Variants in RARS1 observed in about 807,000 individuals in gnomAD.
RARS1 encodes the protein arginine--tRNA ligase, cytoplasmic.
Under a neutral mutation model 78.7 loss-of-function variants are expected in RARS1, and 75 were observed. The observed-to-expected ratio is 0.95, with a 90% CI of 0.79 to 1.15. The LOEUF (loss-of-function observed/expected upper bound fraction) is 1.15, where lower values mean the gene tolerates loss of function less well. Ranked by LOEUF, RARS1 falls within the 50% of genes most tolerant of loss-of-function variation. The pLI is 0.00. For synonymous variants in RARS1, 273 were observed against 268.2 expected (o/e 1.02, Z -0.18); for missense variants, 787 against 787.5 (o/e 1.00, Z 0.01).
At chr5:168,509,663 CTTT>C (rs11287832) in intron 11 of RARS1, among the ~76,000 whole-genome samples, 5 of 143,060 alleles carry the variant, frequency 3.5e-5, no homozygotes, top group Admixed American at 1.4e-4. Flanking sequence ...TTCTTTCTTT[CTTT>C]TTTTTTTTTT....
At chr5:168,500,562 C>G (rs780196490) in intron 7 of RARS1, 29 bp from the exon 8 acceptor site, 5 of 1,418,392 alleles carry the variant, frequency 3.5e-6, no homozygotes. Context: ...TTTTACACAC[C>G]TTACTTTTTA....
chr5:168,512,734 C>T (rs72830975), intron 12 of RARS1, among the ~76,000 whole-genome samples: 19,799 of 152,134 alleles, frequency 0.13, 1,720 homozygotes, highest in Non-Finnish European at 0.19. Context: ...ACGTTTTTCT[C>T]CCTGCTTTAT....
chr5:168,488,265 T>C (rs951114116), intron 1 of RARS1: 1 of 345,428 alleles, frequency 2.9e-6, no homozygotes, highest in Non-Finnish European at 5.7e-6. Flanking sequence ...GTAGCTAGGA[T>C]TACAGGCATG....
At chr5:168,497,120 T>A in intron 6 of RARS1, 108 bp from the exon 7 acceptor site, 1 of 867,458 alleles carries the variant, frequency 1.2e-6, no homozygotes, top group Non-Finnish European at 1.6e-6. Context: ...AATGGTGATG[T>A]ACTGGCATGT....
intron 7 of RARS1, among the ~76,000 whole-genome samples, chr5:168,500,331 G>C (rs909191904): frequency 6.6e-6 from 1 of 151,774 alleles, no homozygotes; most frequent in Non-Finnish European, 1.5e-5. Context: ...AAAAGTATTA[G>C]CTGAAGTAGA....
chr5:168,504,837 AT>A (rs1241410898), intron 9 of RARS1, among the ~76,000 whole-genome samples: 2 of 152,006 alleles, frequency 1.3e-5, no homozygotes, highest in Non-Finnish European at 2.9e-5. Context: ...AAAAAAAAAA[AT>A]TAGCCAGGCG....
intron 8 of RARS1, 92 bp from the exon 9 acceptor site, chr5:168,501,909 T>G (rs1758332803): frequency 3.4e-6 from 5 of 1,467,324 alleles, no homozygotes; most frequent in Non-Finnish European, 4.5e-6. Flanking sequence ...AATATTTGTA[T>G]TAATAAATTT....
chr5:168,494,461 G>C, intron 4 of RARS1, 89 bp from the exon 5 acceptor site: 17 of 1,553,876 alleles, frequency 1.1e-5, no homozygotes, highest in Non-Finnish European at 1.5e-5. Flanking sequence ...TTTTGCCAGA[G>C]CCAGGTCAGT....
rs762427526 is a variant in RARS1 at position 168,497,257 on chromosome 5, A to G, written c.731A>G (p.Gln244Arg). Residue 244 changes from glutamine (Q) to arginine (R), a missense_variant, in exon 7 of 15, where the codon CAG becomes CGG. Physicochemically the swap from Gln to Arg is conservative, Grantham distance 43. Coordinates refer to ENST00000231572, the MANE Select transcript of RARS1 (RefSeq NM_002887.4). ...RLNHVGDWGT[Q>R]FGMLIAHLQD... ...AATCATGTAGGAGACTGGGGGACCCAGTTTGGCATGCTCATCGCTCACCTG... is the reference window on the plus strand; with the variant it reads ...AATCATGTAGGAGACTGGGGGACCCGGTTTGGCATGCTCATCGCTCACCTG... 6.3e-7 allele frequency: 1 copy of G among 1,586,940 alleles called. No individual in the cohort carries two copies. Among genetic ancestry groups the G allele is most frequent in the East Asian group, 2.3e-5 (1 of 44,282 alleles).
At chr5:168,517,472 G>A (rs550926436) in intron 13 of RARS1, among the ~76,000 whole-genome samples, 1 of 152,206 alleles carries the variant, frequency 6.6e-6, no homozygotes, top group East Asian at 1.9e-4. Context: ...TTATTTTTCT[G>A]CCTACAAGCA....
Position 168,497,191 on chromosome 5 carries a change from T to A in RARS1, c.702-37T>A, listed in dbSNP as rs919874584. On this transcript the variant is annotated intron_variant, in intron 6 of 14. Coordinates refer to ENST00000231572, the MANE Select transcript of RARS1 (RefSeq NM_002887.4). ...TAATTTAACTTAACCATCTTTATTA[T>A]TTAAAAAATGATTATATATTCTCTG... 3 of 1,359,580 alleles carry A rather than the reference T, an allele frequency of 2.2e-6. No individual in the cohort carries two copies. In the African/African-American group the frequency reaches 4.5e-5, roughly 20 times the overall value. The allele number at this position is 1,359,580 out of a possible 1,614,324, so 84.2% of individuals were successfully genotyped here. A position where few individuals can be genotyped will look rare whatever the true frequency, so the allele number is the denominator to read the frequency against.
chr5:168,500,200 C>CAAAAAAAAAAAA (rs36015007), intron 7 of RARS1, among the ~76,000 whole-genome samples: 3 of 47,778 alleles, frequency 6.3e-5, no homozygotes, highest in East Asian at 6.0e-4. Context: ...GACTCTGTCT[C>CAAAAAAAAAAAA]AAAAAAAAAA....
chr5:168,498,484 T>C (rs1191571392), intron 7 of RARS1, among the ~76,000 whole-genome samples: 2 of 152,190 alleles, frequency 1.3e-5, no homozygotes, highest in African/African-American at 4.8e-5. Flanking sequence ...GTATTAATCA[T>C]TTATGATTTT....
Position 168,517,950 on chromosome 5 carries a change from G to C in RARS1, c.1761G>C (p.Lys587Asn). 6.2e-7 allele frequency: 1 copy of C among 1,612,588 alleles called. No individual in the cohort carries two copies. Among genetic ancestry groups the C allele is most frequent in the Non-Finnish European group, 8.5e-7 (1 of 1,179,374 alleles). The change falls in exon 14 of 15, where the codon AAG becomes AAC. Residue 587 changes from lysine to asparagine, a missense_variant. Transcript: ENST00000231572. ...TACGGTTCCCTGAGATTCTGCAAAA[G>C]ATTTTAGATGACTTATTTCTCCACA... ...CILRFPEILQ[K>N]ILDDLFLHTL...
chr5:168,490,010 C>T (rs1163846684), intron 2 of RARS1, among the ~76,000 whole-genome samples: 1 of 152,100 alleles, frequency 6.6e-6, no homozygotes, highest in Non-Finnish European at 1.5e-5. Context: ...GACGAGGTTT[C>T]TCCATGTTGG....
At chr5:168,498,911 G>T (rs531667117) in intron 7 of RARS1, among the ~76,000 whole-genome samples, 3 of 152,110 alleles carry the variant, frequency 2.0e-5, no homozygotes, top group Non-Finnish European at 2.9e-5. Context: ...GACCAAGGCT[G>T]CAGTGAGCTG....
Position 168,519,212 on chromosome 5 carries a change from G to T in RARS1, c.*22G>T, listed in dbSNP as rs1330754764. ...GTAATCCTTCATAGGTTTGAACACT[G>T]TGTGTTTTTACCAAAGTGGCCATTG... On this transcript the variant is annotated 3_prime_UTR_variant, in exon 15 of 15. Transcript: ENST00000231572. The T allele has an allele frequency of 6.3e-7, 1 of 1,575,278 alleles. No individual in the cohort carries two copies. Among genetic ancestry groups the T allele is most frequent in the Non-Finnish European group, 8.7e-7 (1 of 1,149,294 alleles).
At position 168,510,607 on chromosome 5, in the gene RARS1, A is replaced by C; in HGVS notation, c.1373A>C (p.Glu458Ala). The C allele has an allele frequency of 6.2e-7, 1 of 1,610,644 alleles. No individual in the cohort carries two copies. The highest frequency in any genetic ancestry group is 1.1e-5 in the South Asian group (1 of 89,976). ...DKKKFKTRSG[E>A]TVRLMDLLGE... Reference sequence around the variant, plus strand: ...AAAAAGTTTAAAACACGTTCGGGTGAAACAGTGCGCCTCATGGATCTTCTG... The same window carrying C: ...AAAAAGTTTAAAACACGTTCGGGTGCAACAGTGCGCCTCATGGATCTTCTG... Residue 458 changes from glutamate (E) to alanine (A), a missense_variant, in exon 12 of 15, where the codon GAA (glutamate) becomes GCA (alanine). Coordinates refer to ENST00000231572, the MANE Select transcript of RARS1 (RefSeq NM_002887.4).
chr5:168,506,681 T>G (rs1403469878), intron 10 of RARS1, 41 bp from the exon 11 acceptor site: 1 of 1,424,718 alleles, frequency 7.0e-7, no homozygotes, highest in Non-Finnish European at 9.7e-7. Context: ...TTTTTTTTTC[T>G]TTAAAGAAGA....
Sources: gnomAD v4.1 joint callset for allele counts (sites outside exome capture counted in the v4.1 genomes callset) on GRCh38, gnomAD v4.1.1 for gene constraint, MANE v1.5 for transcripts, NCBI Gene and HGNC (gene_info 2026-07-23, HGNC 2026-07-21) for gene names.